Variants in CALN1 observed in about 807,000 individuals in gnomAD.
The protein encoded by CALN1 is calcium-binding protein 8.
Under a neutral mutation model 30.6 loss-of-function variants are expected in CALN1, and 17 were observed. The observed-to-expected ratio is 0.56, with a 90% CI of 0.38 to 0.83. CALN1 has a LOEUF of 0.83. Among genes scored for constraint, CALN1 ranks in the 40% least tolerant of loss-of-function variants. The pLI is 0.00. For synonymous variants in CALN1, 156 were observed against 131.4 expected (o/e 1.19, Z -1.28); for missense variants, 291 against 354.9 (o/e 0.82, Z 1.45).
chr7:72,255,246 C>T (rs971184997), intron 3 of CALN1, among the ~76,000 whole-genome samples: 2 of 151,546 alleles, frequency 1.3e-5, no homozygotes, highest in Non-Finnish European at 2.9e-5. Flanking sequence ...CCACCACACC[C>T]GGCTAATTCT....
intron 4 of CALN1, among the ~76,000 whole-genome samples, chr7:72,027,916 G>A (rs1401430498): frequency 6.0e-5 from 9 of 149,458 alleles, no homozygotes; most frequent in East Asian, 2.0e-4. Context: ...AAAATTAGCC[G>A]GGCGTGGTGG....
At chr7:72,314,176 T>C (rs1800253500) in intron 2 of CALN1, among the ~76,000 whole-genome samples, 1 of 152,080 alleles carries the variant, frequency 6.6e-6, no homozygotes, top group African/African-American at 2.4e-5. Context: ...CAAGGGGCCC[T>C]CTGCCACCAT....
chr7:72,482,214 G>A, the CALN1 span, among the ~76,000 whole-genome samples: 3 of 152,034 alleles, frequency 2.0e-5, no homozygotes, highest in Non-Finnish European at 4.4e-5. Context: ...ATTTTCATTA[G>A]TGTTAACATC....
At chr7:72,466,600 C>A in the CALN1 span, among the ~76,000 whole-genome samples, 1 of 151,806 alleles carries the variant, frequency 6.6e-6, no homozygotes, top group Admixed American at 6.6e-5. Flanking sequence ...AAAAAGTAGC[C>A]GGAGTGGTGG....
intron 2 of CALN1, among the ~76,000 whole-genome samples, chr7:72,373,967 G>C (rs551505571): frequency 1.1e-4 from 17 of 147,974 alleles, no homozygotes; most frequent in African/African-American, 3.9e-4. Flanking sequence ...AAAATATTTT[G>C]AAAGTGCTGA....
intron 2 of CALN1, among the ~76,000 whole-genome samples, chr7:72,401,799 G>C: frequency 6.6e-6 from 1 of 152,212 alleles, no homozygotes. Flanking sequence ...CTAGAGGTAG[G>C]CAAATATCCC....
chr7:71,980,053 T>C (rs1490965771), intron 5 of CALN1, among the ~76,000 whole-genome samples: 1 of 151,146 alleles, frequency 6.6e-6, no homozygotes, highest in Non-Finnish European at 1.5e-5. Flanking sequence ...AGTTTTTGTA[T>C]TTTTAGAAGA....
At chr7:72,431,694 T>C (rs1807984703) in intron 1 of CALN1, among the ~76,000 whole-genome samples, 1 of 152,040 alleles carries the variant, frequency 6.6e-6, no homozygotes, top group Admixed American at 6.6e-5. Context: ...TATTTAAAAA[T>C]TACCGAGTGT....
At chr7:72,026,467 T>C (rs986153723) in intron 4 of CALN1, among the ~76,000 whole-genome samples, 1 of 151,982 alleles carries the variant, frequency 6.6e-6, no homozygotes, top group African/African-American at 2.4e-5. Context: ...GTGCCTGTAA[T>C]CCCAGCGATT....
chr7:71,924,790 T>C (rs1584523692), intron 5 of CALN1, among the ~76,000 whole-genome samples: 2 of 152,332 alleles, frequency 1.3e-5, no homozygotes, highest in East Asian at 3.9e-4. Context: ...CAATCTTTTG[T>C]TCTATTGTTG....
At chr7:72,336,995 C>T (rs1479934880) in intron 2 of CALN1, 4 of 985,442 alleles carry the variant, frequency 4.1e-6, no homozygotes, top group Non-Finnish European at 4.8e-6. Flanking sequence ...CTGTCCTTGT[C>T]CTCTGCTCTC....
At chr7:72,196,434 G>A (rs1261642065) in intron 3 of CALN1, among the ~76,000 whole-genome samples, 2 of 152,140 alleles carry the variant, frequency 1.3e-5, no homozygotes, top group Non-Finnish European at 2.9e-5. Context: ...TTTCTTTATG[G>A]AGCAACAAAA....
intron 3 of CALN1, among the ~76,000 whole-genome samples, chr7:72,193,592 A>G (rs1790778188): frequency 6.6e-6 from 1 of 152,244 alleles, no homozygotes; most frequent in Admixed American, 6.5e-5. Flanking sequence ...CATGTGGGCT[A>G]GACGGTATAT....
At chr7:72,144,572 A>G (rs962855919) in intron 3 of CALN1, among the ~76,000 whole-genome samples, 1 of 152,214 alleles carries the variant, frequency 6.6e-6, no homozygotes, top group African/African-American at 2.4e-5. Context: ...AACAAGACAG[A>G]AAGTTAACAA....
At chr7:71,884,208 C>T (rs377669858) in intron 5 of CALN1, among the ~76,000 whole-genome samples, 29 of 152,208 alleles carry the variant, frequency 1.9e-4, no homozygotes, top group East Asian at 1.2e-3. Context: ...CCACTGTGCC[C>T]GGCCATATCA....
chr7:71,806,315 T>G lies in CALN1; in HGVS notation c.658+4021A>C, dbSNP rs1787619658. ...TTATAGTTTCCCCCTCCTTTTTTTT[T>G]TTTTTTTGAGATGGAGTTTTAACTC... On this transcript the variant is annotated intron_variant, in intron 6 of 6. Coordinates refer to ENST00000395275, the MANE Select transcript of CALN1 (RefSeq NM_031468.4). Among the ~76,000 whole-genome samples the G allele has an allele frequency of 1.5e-5, 2 of 129,402 alleles. 1 individual carries two copies. The highest frequency in any genetic ancestry group is 5.0e-4 in the South Asian group (2 of 3,988). The allele number at this position is 129,402 out of a possible 152,430, so 84.9% of individuals were successfully genotyped here. A position where few individuals can be genotyped will look rare whatever the true frequency, so the allele number is the denominator to read the frequency against.
At chr7:72,499,899 TTCTTTCTTTCTTTCTATCTTTC>T in the CALN1 span, among the ~76,000 whole-genome samples, 1 of 53,222 alleles carries the variant, frequency 1.9e-5, no homozygotes, top group African/African-American at 1.0e-4. Context: ...CTTTCTTTCT[TTCTTTCTTTCTTTCTATCTTTC>T]TCTTTTTTGA....
intron 5 of CALN1, among the ~76,000 whole-genome samples, chr7:71,852,528 A>G (rs1790709935): frequency 6.6e-6 from 1 of 151,280 alleles, no homozygotes; most frequent in Admixed American, 6.6e-5. Context: ...TGAGCTCAGG[A>G]GTTTGAGGCT....
chr7:71,799,446 TTTATTTAG>T (rs201899798), intron 6 of CALN1, among the ~76,000 whole-genome samples: 21,400 of 135,536 alleles, frequency 0.16, 1,997 homozygotes, highest in East Asian at 0.54. Flanking sequence ...TATTTATTTA[TTTATTTAG>T]TTAGTTAGTT....
Sources: allele counts gnomAD v4.1 joint callset (sites outside exome capture counted in the v4.1 genomes callset), GRCh38; gene constraint gnomAD v4.1.1; transcripts MANE v1.5; gene names NCBI Gene and HGNC (gene_info 2026-07-23, HGNC 2026-07-21).